Variants in ETNK2 observed in about 807,000 individuals in gnomAD.
The protein encoded by ETNK2 is ethanolamine kinase-like protein.
In ETNK2, 33 loss-of-function variants were observed where a neutral mutation model predicts 46.2. The observed-to-expected ratio is 0.71, with a 90% confidence interval of 0.54 to 0.96. ETNK2 has a LOEUF of 0.96. Ranked by LOEUF, ETNK2 falls within the 40% of genes least tolerant of loss-of-function variation. The pLI, the probability that ETNK2 is intolerant of heterozygous loss-of-function variation, is 0.00. For synonymous variants in ETNK2, 194 were observed against 209.0 expected, an observed-to-expected ratio of 0.93 and a Z score of 0.62; for missense variants, 445 against 509.7, an observed-to-expected ratio of 0.87 and a Z score of 1.22.
Position 204,151,795 on chromosome 1 carries a change from T to C in ETNK2, c.58A>G (p.Thr20Ala), listed in dbSNP as rs1040513638. 1.3e-6 allele frequency: 2 copies of C among 1,500,452 alleles called. No homozygotes were observed. Among genetic ancestry groups the C allele is most frequent in the African/African-American group, 1.4e-5 (1 of 69,962 alleles). 92.9% of individuals were successfully genotyped at this position (1,500,452 alleles called of 1,614,324 possible). Residue 20 changes from threonine (T) to alanine (A), a missense_variant, in exon 1 of 8, where the codon ACG (threonine) becomes GCG (alanine). By Grantham distance (58) the Thr-to-Ala change is moderately conservative. Coordinates refer to ENST00000367202, the MANE Select transcript of ETNK2 (RefSeq NM_018208.4). This position sits in a 1 kb window ranked among gnomAD's most constrained non-coding sequence, Gnocchi z 8.0. ...CCCCATGAGCACTGCGGGCAAGGCG[T>C]GTGCCTCCTCAGGTGAAAGGACGCG... ...PRASFHLRRH[T>A]PCPQCSWGME...
Position 204,151,582 on chromosome 1 carries a change from C to T in ETNK2, c.258+13G>A, listed in dbSNP as rs1263638429. 6.5e-7 allele frequency: 1 copy of T among 1,548,802 alleles called. No individual in the cohort carries two copies. Among genetic ancestry groups the T allele is most frequent in the South Asian group, 1.2e-5 (1 of 84,040 alleles). ...GCAGGACCCCATCCTCGGCCCCGCG[C>T]CCACTCCGCTACCTTGGTCCGAACT... On this transcript the variant is annotated intron_variant, in intron 1 of 7. Coordinates refer to ENST00000367202, the MANE Select transcript of ETNK2 (RefSeq NM_018208.4). This position sits in a 1 kb window ranked among gnomAD's most constrained non-coding sequence, Gnocchi z 8.0.
chr1:204,135,089 G>C (rs1657231548), intron 6 of ETNK2, among the ~76,000 whole-genome samples: 1 of 152,012 alleles, frequency 6.6e-6, no homozygotes, highest in African/African-American at 2.4e-5. Flanking sequence ...GTGTCTGCTG[G>C]AAGATCCCTA....
intron 7 of ETNK2, among the ~76,000 whole-genome samples, chr1:204,134,274 T>TG (rs1399591431): frequency 6.6e-6 from 1 of 152,166 alleles, no homozygotes; most frequent in Non-Finnish European, 1.5e-5. Flanking sequence ...TAGGATTTCG[T>TG]GGGGACTAGC....
At chr1:204,144,364 A>AAAAAAAAAAAAAAAAAAAAAAC (rs1558236278) in intron 3 of ETNK2, among the ~76,000 whole-genome samples, 2 of 149,940 alleles carry the variant, frequency 1.3e-5, no homozygotes, top group Admixed American at 6.7e-5. Flanking sequence ...AAAAAAAAAA[A>AAAAAAAAAAAAAAAAAAAAAAC]AAAAAGCCAT....
chr1:204,132,019 A>G lies in ETNK2; in HGVS notation c.*165T>C, dbSNP rs1657092641. 2 of 649,962 alleles carry G rather than the reference A, an allele frequency of 3.1e-6. No individual in the cohort carries two copies. Among genetic ancestry groups the G allele is most frequent in the African/African-American group, 1.8e-5 (1 of 55,456 alleles). 40.3% of individuals were successfully genotyped at this position (649,962 alleles called of 1,614,324 possible). ...CTCCAGACAGGAGAATGAGGTCTTC[A>G]GTGGCAACCACTGGGGTCTGGCGGC... On this transcript the variant is annotated 3_prime_UTR_variant, in exon 8 of 8. Transcript: ENST00000367202.
chr1:204,150,175 T>C (rs1004090166), intron 1 of ETNK2, among the ~76,000 whole-genome samples: 4 of 152,202 alleles, frequency 2.6e-5, no homozygotes, highest in African/African-American at 7.2e-5. Flanking sequence ...AAAAAAATGG[T>C]AGCTTGGGTT....
chr1:204,137,582 T>C (rs1268475065), intron 5 of ETNK2, among the ~76,000 whole-genome samples: 5 of 152,182 alleles, frequency 3.3e-5, no homozygotes, highest in African/African-American at 7.2e-5. Flanking sequence ...ACAAAAATGA[T>C]GGTGCACAGG....
chr1:204,141,568 G>T, intron 3 of ETNK2, 111 bp from the exon 4 acceptor site: 3 of 1,285,156 alleles, frequency 2.3e-6, no homozygotes, highest in Non-Finnish European at 3.2e-6. Flanking sequence ...ACTGCAGGGG[G>T]CCTTGGAAAA....
At chr1:204,150,991 C>A (rs897489373) in intron 1 of ETNK2, 1 of 157,166 alleles carries the variant, frequency 6.4e-6, no homozygotes, top group Admixed American at 6.3e-5. Context: ...AGTGGCTCTG[C>A]CCACAGGTGT....
At chr1:204,140,282 T>TCATCCATCCATC (rs60488986) in intron 4 of ETNK2, among the ~76,000 whole-genome samples, 164 bp from the exon 5 acceptor site, 21 of 146,216 alleles carry the variant, frequency 1.4e-4, no homozygotes, top group South Asian at 6.4e-4. Flanking sequence ...CTACTTCCAT[T>TCATCCATCCATC]CATCCATCCA....
intron 2 of ETNK2, among the ~76,000 whole-genome samples, chr1:204,149,215 A>G (rs755417356): frequency 9.9e-5 from 15 of 152,212 alleles, no homozygotes; most frequent in Non-Finnish European, 2.1e-4. Flanking sequence ...CCACTTCGTC[A>G]AGGAGCCAGG....
rs899392126 is a variant in ETNK2, at chr1:204,137,091, A to G, written c.1014+13T>C. 7.4e-6 allele frequency: 12 copies of G among 1,613,076 alleles called. No homozygotes were observed. Among genetic ancestry groups the G allele is most frequent in the Non-Finnish European group, 1.0e-5 (12 of 1,179,454 alleles). On this transcript the variant is annotated intron_variant, in intron 6 of 7. Transcript: ENST00000367202. ...CTCCTTTCCTGCCCCAGCCCTAGAA[A>G]TAAGGCACTCACCAGGGCAAACTTG... is the stretch of plus-strand genomic sequence containing the variant.
intron 2 of ETNK2, among the ~76,000 whole-genome samples, chr1:204,148,796 G>A (rs937131499): frequency 6.6e-6 from 1 of 152,188 alleles, no homozygotes; most frequent in Non-Finnish European, 1.5e-5. Flanking sequence ...ACCCCCAGGT[G>A]GGCTTGTTTC....
chr1:204,145,276 G>T (rs546306521), intron 3 of ETNK2, among the ~76,000 whole-genome samples: 1 of 152,320 alleles, frequency 6.6e-6, no homozygotes, highest in African/African-American at 2.4e-5. Flanking sequence ...TCCCAGTAAG[G>T]TTACCCCCAA....
chr1:204,138,377 T>C (rs1657369183), intron 5 of ETNK2, among the ~76,000 whole-genome samples: 1 of 152,186 alleles, frequency 6.6e-6, no homozygotes, highest in Non-Finnish European at 1.5e-5. Context: ...TTTGGAGAAA[T>C]TCCAGTTGGA....
intron 3 of ETNK2, among the ~76,000 whole-genome samples, chr1:204,143,735 G>A (rs1657657076): frequency 6.6e-6 from 1 of 152,148 alleles, no homozygotes; most frequent in African/African-American, 2.4e-5. Flanking sequence ...ACAGGCAAGA[G>A]TACTTTCTCC....
At chr1:204,133,519 AT>A (rs1476439666) in intron 7 of ETNK2, among the ~76,000 whole-genome samples, 1 of 131,570 alleles carries the variant, frequency 7.6e-6, no homozygotes. Context: ...TTATCATTTC[AT>A]TTTATTTTAT....
At chr1:204,137,993 C>T (rs1205634276) in intron 5 of ETNK2, among the ~76,000 whole-genome samples, 2 of 152,152 alleles carry the variant, frequency 1.3e-5, no homozygotes, top group African/African-American at 4.8e-5. Context: ...ACAGGAGGAC[C>T]AGGACTGGGC....
chr1:204,145,907 T>C (rs1166055221), intron 3 of ETNK2, among the ~76,000 whole-genome samples: 1 of 152,114 alleles, frequency 6.6e-6, no homozygotes, highest in Non-Finnish European at 1.5e-5. Flanking sequence ...TCAGGGTGTG[T>C]TGGGGAGTCA....
Sources: gnomAD v4.1 joint callset for allele counts (sites outside exome capture counted in the v4.1 genomes callset) on GRCh38, gnomAD v4.1.1 for gene constraint, Gnocchi (gnomAD v3.1) non-coding constraint, MANE v1.5 for transcripts, NCBI Gene and HGNC (gene_info 2026-07-23, HGNC 2026-07-21) for gene names.